Variants in AGAP1 observed in about 807,000 individuals in gnomAD.
The protein encoded by AGAP1 is ArfGAP with GTPase domain, ankyrin repeat and PH domain 1.
AGAP1 carries 29 observed loss-of-function variants against 105.3 expected under a neutral mutation model. The observed-to-expected ratio is 0.28, with a 90% confidence interval of 0.21 to 0.38. AGAP1 has a LOEUF of 0.38. Ranked by LOEUF, AGAP1 falls within the 10% of genes least tolerant of loss-of-function variation. The pLI is 1.00. For missense variants in AGAP1, 998 were observed against 1,165.1 expected (o/e 0.86, Z 2.09); for synonymous variants, 509 against 485.9 (o/e 1.05, Z -0.63).
At position 236,077,382 on chromosome 2, in the gene AGAP1, G is replaced by A. The variant is rs188275862; in HGVS notation, c.2114+28101G>A. ...TGCCCAGGCTGGAGTGCAGTGGCGC[G>A]ATCTCAGCTCACTGCAACCTCCGCC... On this transcript the variant is annotated intron_variant, in intron 16 of 17. Coordinates refer to ENST00000304032, the MANE Select transcript of AGAP1 (RefSeq NM_001037131.3). Among the ~76,000 whole-genome samples the A allele has an allele frequency of 8.0e-3, 1,201 of 149,718 alleles. 15 individuals are homozygous for A. The highest frequency in any genetic ancestry group is 0.027 in the African/African-American group (1,115 of 40,734).
chr2:235,719,674 G>T lies in AGAP1; in HGVS notation c.310+2030G>T, dbSNP rs965761271. 2.6e-5 allele frequency among the ~76,000 whole-genome samples: 4 copies of T among 152,148 alleles called. No individual in the cohort carries two copies. The highest frequency in any genetic ancestry group is 2.6e-4 in the Admixed American group (4 of 15,284). On this transcript the variant is annotated intron_variant, in intron 3 of 17. Transcript: ENST00000304032. The surrounding 1 kb of genome is among the most constrained non-coding windows in gnomAD (Gnocchi z 4.9). ...GGAAGTAGCTCATCCCCTCCATGGG[G>T]CCCCATGCCCAAGGCTTCCTGGGTC...
Position 235,842,236 on chromosome 2 carries a change from C to T in AGAP1, c.1050+34905C>T, listed in dbSNP as rs1960945849. Among the ~76,000 whole-genome samples, 1 of 152,126 alleles carries T rather than the reference C, an allele frequency of 6.6e-6. No individual in the cohort carries two copies. The highest frequency in any genetic ancestry group is 1.5e-5 in the Non-Finnish European group (1 of 68,028). On this transcript the variant is annotated intron_variant, in intron 9 of 17. Transcript: ENST00000304032. This position sits in a 1 kb window ranked among gnomAD's most constrained non-coding sequence, Gnocchi z 5.3. The stretch of plus-strand genomic sequence containing the variant: ...TCTGTAGATAGAATTCAGGGGTCCG[C>T]GAATGTGGCTGGGGGGAAATTCATT...
Position 235,785,057 on chromosome 2 carries a change from C to G in AGAP1, c.674-12702C>G, listed in dbSNP as rs1035810333. Among the ~76,000 whole-genome samples the G allele has an allele frequency of 4.6e-5, 7 of 152,306 alleles. No individual in the cohort carries two copies. In the East Asian group the frequency reaches 1.3e-3, roughly 29 times the overall value. On this transcript the variant is annotated intron_variant, in intron 6 of 17. Coordinates refer to ENST00000304032, the MANE Select transcript of AGAP1 (RefSeq NM_001037131.3). ...GTGCACAGGGCCACCGCTGCTGGCT[C>G]ATTATTAACAGAGCAGGGAGGAGAC...
chr2:235,930,744 A>T lies in AGAP1; in HGVS notation c.1325-21A>T. The T allele has an allele frequency of 6.2e-7, 1 of 1,610,284 alleles. No individual in the cohort carries two copies. The highest frequency in any genetic ancestry group is 8.5e-7 in the Non-Finnish European group (1 of 1,178,376). ...TGGTCTGCAGTCCGCGGTGGTGTTC[A>T]CCTGACTTGTTTATTCCTAGGGAAT... is the stretch of plus-strand genomic sequence containing the variant. On this transcript the variant is annotated intron_variant, in intron 11 of 17. Coordinates refer to ENST00000304032, the MANE Select transcript of AGAP1 (RefSeq NM_001037131.3). This position sits in a 1 kb window ranked among gnomAD's most constrained non-coding sequence, Gnocchi z 7.9.
intron 12 of AGAP1, 37 bp from the exon 13 acceptor site, chr2:235,968,425 T>TC (rs751744373): frequency 1.9e-6 from 2 of 1,034,472 alleles, no homozygotes; most frequent in East Asian, 3.6e-5. Flanking sequence ...ACTCTGCATT[T>TC]TTTTTTTTTT....
rs1293143880 is a variant in AGAP1, at chr2:235,936,671, C to T, written c.1483+5748C>T. 1.3e-5 allele frequency among the ~76,000 whole-genome samples: 2 copies of T among 152,032 alleles called. No homozygotes were observed. Among genetic ancestry groups the T allele is most frequent in the South Asian group, 2.1e-4 (1 of 4,818 alleles). ...ACAATTTTAGTGTATGACCAGCAGG[C>T]GGCGGTAATGTGATACTGCCGGTCT... On this transcript the variant is annotated intron_variant, in intron 12 of 17. Coordinates refer to ENST00000304032, the MANE Select transcript of AGAP1 (RefSeq NM_001037131.3). This position sits in a 1 kb window ranked among gnomAD's most constrained non-coding sequence, Gnocchi z 4.7.
intron 6 of AGAP1, among the ~76,000 whole-genome samples, chr2:235,786,656 G>T (rs145254934): frequency 1.3e-5 from 2 of 152,280 alleles, no homozygotes; most frequent in East Asian, 3.9e-4. Context: ...AGCTTCAGTT[G>T]TAATAAGTCC....
In AGAP1 at chr2:236,078,603, C is replaced by T. The variant is rs1304265473; in HGVS notation, c.2114+29322C>T. Among the ~76,000 whole-genome samples the T allele has an allele frequency of 6.6e-6, 1 of 152,126 alleles. No homozygotes were observed. The highest frequency in any genetic ancestry group is 6.5e-5 in the Admixed American group (1 of 15,272). ...TTTTGCCTTTGAAAACGTAATCTCC[C>T]TAGATAAGTATTACCACTGAACCAC... On this transcript the variant is annotated intron_variant, in intron 16 of 17. Coordinates refer to ENST00000304032, the MANE Select transcript of AGAP1 (RefSeq NM_001037131.3). The surrounding 1 kb of genome is among the most constrained non-coding windows in gnomAD (Gnocchi z 5.3).
At position 235,701,609 on chromosome 2, in the gene AGAP1, C is replaced by A. The variant is rs1339779996; in HGVS notation, c.164-7570C>A. Among the ~76,000 whole-genome samples the A allele has an allele frequency of 6.6e-6, 1 of 152,140 alleles. No individual in the cohort carries two copies. The highest frequency in any genetic ancestry group is 2.4e-5 in the African/African-American group (1 of 41,444). On this transcript the variant is annotated intron_variant, in intron 1 of 17. Transcript: ENST00000304032. This position sits in a 1 kb window ranked among gnomAD's most constrained non-coding sequence, Gnocchi z 4.1. Reference sequence around the variant, plus strand: ...TATCCCCAGGGTTTATGTTTTATTTCATTTATTATAGGGATTCAAGGATTT... The same window carrying A: ...TATCCCCAGGGTTTATGTTTTATTTAATTTATTATAGGGATTCAAGGATTT...
chr2:235,814,939 G>T (rs773137020), intron 9 of AGAP1, among the ~76,000 whole-genome samples: 1 of 152,076 alleles, frequency 6.6e-6, no homozygotes, highest in African/African-American at 2.4e-5. Flanking sequence ...ACTCATGGCC[G>T]CACGGAGTGG....
At chr2:235,918,895 A>G (rs2052031168) in intron 11 of AGAP1, among the ~76,000 whole-genome samples, 1 of 152,186 alleles carries the variant, frequency 6.6e-6, no homozygotes, top group South Asian at 2.1e-4. Flanking sequence ...CTTTTCTGAA[A>G]GAACCAACTA....
Position 236,035,706 on chromosome 2 carries a change from G to A in AGAP1, c.1646-855G>A, listed in dbSNP as rs1408023764. Among the ~76,000 whole-genome samples the A allele has an allele frequency of 2.6e-5, 4 of 152,264 alleles. No individual in the cohort carries two copies. The highest frequency in any genetic ancestry group is 2.1e-4 in the South Asian group (1 of 4,816). On this transcript the variant is annotated intron_variant, in intron 13 of 17. Coordinates refer to ENST00000304032, the MANE Select transcript of AGAP1 (RefSeq NM_001037131.3). This position sits in a 1 kb window ranked among gnomAD's most constrained non-coding sequence, Gnocchi z 4.2. ...CTCCTTTGGCGGGGACTTGGGGGCC[G>A]GGAGTAGGGACAGGAATAATGAACA...
intron 13 of AGAP1, among the ~76,000 whole-genome samples, chr2:236,022,008 G>A (rs1205320553): frequency 1.4e-5 from 2 of 143,526 alleles, no homozygotes; most frequent in South Asian, 2.2e-4. Flanking sequence ...GCAGTGAGCC[G>A]AGATGAAGCC....
At chr2:235,794,471 T>A (rs573174187) in intron 6 of AGAP1, among the ~76,000 whole-genome samples, 18 of 152,280 alleles carry the variant, frequency 1.2e-4, no homozygotes, top group East Asian at 1.9e-4. Context: ...AGATTTTTTT[T>A]AAATTAAATT....
At position 235,970,596 on chromosome 2, in the gene AGAP1, A is replaced by G. The variant is rs188827816; in HGVS notation, c.1645+1973A>G. Among the ~76,000 whole-genome samples, 14 of 152,218 alleles carry G rather than the reference A, an allele frequency of 9.2e-5. No individual in the cohort carries two copies. The East Asian group carries it at 1.5e-3, about 17-fold the overall frequency. On this transcript the variant is annotated intron_variant, in intron 13 of 17. Coordinates refer to ENST00000304032, the MANE Select transcript of AGAP1 (RefSeq NM_001037131.3). This position sits in a 1 kb window ranked among gnomAD's most constrained non-coding sequence, Gnocchi z 5.4. ...TTCTTGCATTTGTTGTGTGTTTCCA[A>G]CCGAGGTCTGTGGTTTTTTCTTATG... is the stretch of plus-strand genomic sequence containing the variant.
chr2:235,514,022 A>T (rs183919624), intron 1 of AGAP1, among the ~76,000 whole-genome samples: 10 of 152,266 alleles, frequency 6.6e-5, no homozygotes, highest in East Asian at 5.8e-4. Context: ...ATGCTTTGTG[A>T]TGAGGTTGTG....
intron 9 of AGAP1, among the ~76,000 whole-genome samples, chr2:235,876,336 C>G (rs2049724361): frequency 6.6e-6 from 1 of 152,032 alleles, no homozygotes; most frequent in South Asian, 2.1e-4. Context: ...TTGTGCTGAC[C>G]CTTAGATGAT....
chr2:235,797,700 C>T, intron 6 of AGAP1, 59 bp from the exon 7 acceptor site: 1 of 1,606,264 alleles, frequency 6.2e-7, no homozygotes, highest in Non-Finnish European at 8.5e-7. Flanking sequence ...GATCTCTGCT[C>T]TGTTCCTGAA....
chr2:235,718,017 A>G (rs1352635813), intron 3 of AGAP1, among the ~76,000 whole-genome samples: 1 of 152,190 alleles, frequency 6.6e-6, no homozygotes, highest in Non-Finnish European at 1.5e-5. Flanking sequence ...ATGTAATGTT[A>G]CTTAGTCATA....
Sources: allele counts gnomAD v4.1 joint callset (sites outside exome capture counted in the v4.1 genomes callset), GRCh38; gene constraint gnomAD v4.1.1; non-coding constraint Gnocchi (gnomAD v3.1); transcripts MANE v1.5; gene names NCBI Gene and HGNC (gene_info 2026-07-23, HGNC 2026-07-21).